Variants in LYPD6B observed in about 807,000 individuals in gnomAD.
LYPD6B encodes LY6/PLAUR domain containing 6B, also known as ly6/PLAUR domain-containing protein 6B.
LYPD6B carries 17 observed loss-of-function variants against 22.8 expected under a neutral mutation model. The observed-to-expected ratio is 0.75, with a 90% CI of 0.51 to 1.12. LYPD6B has a LOEUF of 1.12. LYPD6B is among the 50% of genes most tolerant of loss of function. The pLI is 0.00. For synonymous variants in LYPD6B, 106 were observed against 91.6 expected, an observed-to-expected ratio of 1.16 and a Z score of -0.90; for missense variants, 221 against 258.3, an observed-to-expected ratio of 0.86 and a Z score of 0.99.
chr2:149,130,739 T>G (rs926287230), intron 1 of LYPD6B, 144 bp from the exon 2 acceptor site: 10 of 490,764 alleles, frequency 2.0e-5, no homozygotes, highest in African/African-American at 2.0e-4. Context: ...TTGTACCTGG[T>G]TTGTGGTTAG....
intron 2 of LYPD6B, among the ~76,000 whole-genome samples, chr2:149,137,478 A>AT (rs1021129933): frequency 2.0e-5 from 3 of 152,210 alleles, no homozygotes; most frequent in Non-Finnish European, 4.4e-5. Flanking sequence ...GCATTTCAAA[A>AT]TTTACCAATT....
intron 6 of LYPD6B, among the ~76,000 whole-genome samples, chr2:149,213,774 C>T (rs770242701): frequency 6.6e-6 from 1 of 152,162 alleles, no homozygotes; most frequent in Non-Finnish European, 1.5e-5. Context: ...GGATGCAGGC[C>T]GGCAGGCTCT....
At chr2:149,145,160 T>C (rs923900565) in intron 2 of LYPD6B, among the ~76,000 whole-genome samples, 4 of 152,124 alleles carry the variant, frequency 2.6e-5, no homozygotes, top group Non-Finnish European at 5.9e-5. Context: ...GTACCACTGA[T>C]GGTGGGTTCT....
chr2:149,098,643 A>AAAAAAAAAAAAAAAAAAG (rs57783804), intron 1 of LYPD6B, among the ~76,000 whole-genome samples: 1 of 130,960 alleles, frequency 7.6e-6, no homozygotes, highest in Non-Finnish European at 1.6e-5. Flanking sequence ...AAAAAAAAAA[A>AAAAAAAAAAAAAAAAAAG]AAAAAAGAAA....
intron 1 of LYPD6B, chr2:149,119,284 A>G (rs901277190): frequency 6.6e-6 from 1 of 152,216 alleles, no homozygotes; most frequent in African/African-American, 2.4e-5. Flanking sequence ...GTTTAAAAAA[A>G]CTCTGCTGAA....
chr2:149,136,032 T>C (rs1688348988), intron 2 of LYPD6B, among the ~76,000 whole-genome samples: 1 of 152,154 alleles, frequency 6.6e-6, no homozygotes, highest in African/African-American at 2.4e-5. Context: ...GCTGACACTG[T>C]GTCCTTGAGC....
chr2:149,084,078 G>A (rs955738158), intron 1 of LYPD6B, among the ~76,000 whole-genome samples: 5 of 151,860 alleles, frequency 3.3e-5, no homozygotes, highest in Admixed American at 1.3e-4. Flanking sequence ...CTGCCTGGGC[G>A]ACAGAGCGAG....
intron 5 of LYPD6B, 23 bp from the exon 6 acceptor site, chr2:149,212,968 TG>T (rs762255479): frequency 3.7e-6 from 6 of 1,607,690 alleles, no homozygotes; most frequent in African/African-American, 1.3e-5. Flanking sequence ...TTCTTGGTTT[TG>T]TTTTTTGTTT....
chr2:149,091,741 A>T (rs1422322815), intron 1 of LYPD6B, among the ~76,000 whole-genome samples: 1 of 152,124 alleles, frequency 6.6e-6, no homozygotes, highest in East Asian at 1.9e-4. Flanking sequence ...ACCAATCAAC[A>T]TTTATGAGAT....
intron 1 of LYPD6B, among the ~76,000 whole-genome samples, chr2:149,052,674 A>G (rs1683618147): frequency 6.6e-6 from 1 of 152,214 alleles, no homozygotes; most frequent in African/African-American, 2.4e-5. Flanking sequence ...CACCAGCCCC[A>G]CTGCTGTCCA....
At chr2:149,125,670 C>T (rs568638674) in intron 1 of LYPD6B, among the ~76,000 whole-genome samples, 10 of 152,260 alleles carry the variant, frequency 6.6e-5, no homozygotes, top group Non-Finnish European at 1.3e-4. Flanking sequence ...ACCTTAACTC[C>T]AATCACTCTC....
chr2:149,145,476 G>A (rs777366344), intron 2 of LYPD6B, among the ~76,000 whole-genome samples: 5 of 152,198 alleles, frequency 3.3e-5, no homozygotes, highest in Non-Finnish European at 7.3e-5. Flanking sequence ...GGAAGATACG[G>A]TGAACACACT....
intron 3 of LYPD6B, among the ~76,000 whole-genome samples, chr2:149,171,146 A>T (rs1690788330): frequency 6.6e-6 from 1 of 152,120 alleles, no homozygotes; most frequent in Admixed American, 6.5e-5. Context: ...GCCTGAATGG[A>T]AAGGCAATAA....
intron 2 of LYPD6B, among the ~76,000 whole-genome samples, chr2:149,150,948 C>A (rs1318441605): frequency 1.3e-5 from 2 of 151,992 alleles, no homozygotes; most frequent in Non-Finnish European, 2.9e-5. Context: ...TTCTAAGAGT[C>A]CTACCCTATT....
At chr2:149,086,528 G>C (rs1192364893) in intron 1 of LYPD6B, among the ~76,000 whole-genome samples, 1 of 152,110 alleles carries the variant, frequency 6.6e-6, no homozygotes, top group African/African-American at 2.4e-5. Context: ...CTTACTCCAG[G>C]GTGTCAACTT....
In LYPD6B at chr2:149,130,900, C is replaced by T. The variant is rs780847782; in HGVS notation, c.-49C>T. On this transcript the variant is annotated 5_prime_UTR_variant, in exon 2 of 7. Transcript: ENST00000409642. ...TTGTTTAGATATGCCACACTTCTGCCTGCTGTTGGCAACCCTCCTGGACTA... is the reference window on the plus strand; with the variant it reads ...TTGTTTAGATATGCCACACTTCTGCTTGCTGTTGGCAACCCTCCTGGACTA... 5.3e-6 allele frequency: 8 copies of T among 1,508,448 alleles called. No homozygotes were observed. The highest frequency in any genetic ancestry group is 4.5e-5 in the South Asian group (4 of 88,400). The allele number at this position is 1,508,448 out of a possible 1,614,324, so 93.4% of individuals were successfully genotyped here.
At chr2:149,054,963 G>A (rs1195501442) in intron 1 of LYPD6B, among the ~76,000 whole-genome samples, 1 of 151,284 alleles carries the variant, frequency 6.6e-6, no homozygotes, top group African/African-American at 2.4e-5. Context: ...GGCATCACAT[G>A]TAAGAAACCA....
chr2:149,183,563 G>A (rs1691888653), intron 3 of LYPD6B, among the ~76,000 whole-genome samples: 1 of 152,060 alleles, frequency 6.6e-6, no homozygotes, highest in South Asian at 2.1e-4. Context: ...TAAATAATAT[G>A]CTTCCTTACC....
intron 1 of LYPD6B, among the ~76,000 whole-genome samples, chr2:149,079,105 A>G (rs1362721434): frequency 6.7e-6 from 1 of 150,098 alleles, no homozygotes; most frequent in East Asian, 2.0e-4. Flanking sequence ...AGCAAATATT[A>G]CCATGGTGTG....
Sources: allele counts gnomAD v4.1 joint callset (sites outside exome capture counted in the v4.1 genomes callset), GRCh38; gene constraint gnomAD v4.1.1; transcripts MANE v1.5; gene names NCBI Gene and HGNC (gene_info 2026-07-23, HGNC 2026-07-21).